C9: variants seen among roughly 807,000 people sequenced by gnomAD.
C9 encodes the protein complement component C9.
Under a neutral mutation model 65.4 loss-of-function variants are expected in C9, and 63 were observed. The observed-to-expected ratio is 0.96, with a 90% CI of 0.79 to 1.19. The LOEUF (loss-of-function observed/expected upper bound fraction) is 1.19. C9 is among the 50% of genes most tolerant of loss of function. The probability of loss-of-function intolerance (pLI) is 0.00; values close to 1 mark genes in which losing one functional copy is unlikely to be tolerated. For missense variants in C9, 744 were observed against 670.1 expected (o/e 1.11, Z -1.22); for synonymous variants, 229 against 227.9 (o/e 1.00, Z -0.04).
intron 6 of C9, among the ~76,000 whole-genome samples, chr5:39,314,159 C>T (rs1259466356): frequency 6.6e-6 from 1 of 151,984 alleles, no homozygotes; most frequent in Non-Finnish European, 1.5e-5. Context: ...TATTAAAAAC[C>T]CTCAAGTAGG....
At chr5:39,349,107 C>T (rs1754270390) in intron 1 of C9, among the ~76,000 whole-genome samples, 4 of 151,170 alleles carry the variant, frequency 2.6e-5, no homozygotes, top group Non-Finnish European at 4.4e-5. Flanking sequence ...ACCAACATGA[C>T]ACATGTATAC....
chr5:39,333,967 T>A (rs1184146698), intron 4 of C9, among the ~76,000 whole-genome samples: 5 of 152,136 alleles, frequency 3.3e-5, no homozygotes, highest in African/African-American at 1.2e-4. Flanking sequence ...CGCTGCAGCC[T>A]CCACCTCCCA....
chr5:39,294,938 T>A (rs1753157407), intron 9 of C9, among the ~76,000 whole-genome samples: 1 of 151,778 alleles, frequency 6.6e-6, no homozygotes, highest in Admixed American at 6.6e-5. Context: ...AAACATCACA[T>A]CAGCAAAATT....
chr5:39,309,018 A>C (rs1753429862), intron 7 of C9, among the ~76,000 whole-genome samples: 1 of 152,142 alleles, frequency 6.6e-6, no homozygotes, highest in African/African-American at 2.4e-5. Context: ...GTATGTGGTC[A>C]CTTTGTTTTC....
intron 9 of C9, among the ~76,000 whole-genome samples, chr5:39,301,328 G>A (rs753161720): frequency 2.1e-4 from 32 of 151,952 alleles, no homozygotes; most frequent in Non-Finnish European, 7.4e-5. Flanking sequence ...ACCTATAACA[G>A]ATTGGGAGAC....
chr5:39,359,332 C>A (rs1754474892), intron 1 of C9, among the ~76,000 whole-genome samples: 1 of 151,584 alleles, frequency 6.6e-6, no homozygotes, highest in Non-Finnish European at 1.5e-5. Context: ...GTTGACTAAG[C>A]AATTGGTCAC....
At chr5:39,362,555 T>C (rs1754539839) in intron 1 of C9, among the ~76,000 whole-genome samples, 1 of 152,086 alleles carries the variant, frequency 6.6e-6, no homozygotes, top group South Asian at 2.1e-4. Flanking sequence ...TTTGAAGCCA[T>C]CCAGCTTGTG....
rs369455264 is a variant in C9, at chr5:39,364,368, C to G, written c.77+20G>C. 4 of 1,449,332 alleles carry G rather than the reference C, an allele frequency of 2.8e-6. No individual in the cohort carries two copies. Among genetic ancestry groups the G allele is most frequent in the Non-Finnish European group, 3.9e-6 (4 of 1,029,486 alleles). 89.8% of individuals were successfully genotyped at this position (1,449,332 alleles called of 1,614,324 possible). Reference sequence around the variant, plus strand: ...CCTACAGGAAACTTCCAGAGACAAGCAGAAAAGTAACTGACTCACCTGGTC... The same window carrying G: ...CCTACAGGAAACTTCCAGAGACAAGGAGAAAAGTAACTGACTCACCTGGTC... On this transcript the variant is annotated intron_variant, in intron 1 of 10. Transcript: ENST00000263408.
intron 1 of C9, among the ~76,000 whole-genome samples, chr5:39,361,887 T>G (rs975543008): frequency 6.6e-6 from 1 of 152,240 alleles, no homozygotes; most frequent in South Asian, 2.1e-4. Context: ...GCATGAGATG[T>G]CTTCAAGCCA....
intron 9 of C9, among the ~76,000 whole-genome samples, chr5:39,305,999 A>G (rs954240629): frequency 1.3e-5 from 2 of 151,930 alleles, no homozygotes; most frequent in Admixed American, 6.6e-5. Flanking sequence ...TGTCTCTACT[A>G]AAAATACAAG....
chr5:39,308,266 T>C lies in C9; in HGVS notation c.1204A>G (p.Lys402Glu), dbSNP rs748469015. 146 of 1,612,818 alleles carry C rather than the reference T, an allele frequency of 9.1e-5. No individual in the cohort carries two copies. The highest frequency in any genetic ancestry group is 1.2e-4 in the Non-Finnish European group (139 of 1,178,988). The change falls in exon 8 of 11, where the codon AAA becomes GAA. Residue 402 changes from lysine (K) to glutamate (E), a missense_variant. By Grantham distance (56) the Lys-to-Glu change is moderately conservative. Coordinates refer to ENST00000263408, the MANE Select transcript of C9 (RefSeq NM_001737.5). ...SEISVGAEFN[K>E]DDCVKRGEGR... ...TCTCCCCTCTTTACACAATCATCTTTATTAAATTCAGCTCCAACAGAGATT... is the reference window on the plus strand; with the variant it reads ...TCTCCCCTCTTTACACAATCATCTTCATTAAATTCAGCTCCAACAGAGATT...
At chr5:39,361,337 A>G (rs1754515934) in intron 1 of C9, among the ~76,000 whole-genome samples, 1 of 152,206 alleles carries the variant, frequency 6.6e-6, no homozygotes, top group Admixed American at 6.5e-5. Context: ...CTTTACATAT[A>G]ATAACACAAA....
chr5:39,316,070 A>AGGCCGGGCGCGGTGGCT, intron 5 of C9, 41 bp from the exon 6 acceptor site: 1 of 1,538,452 alleles, frequency 6.5e-7, no homozygotes, highest in South Asian at 1.1e-5. Flanking sequence ...ACAAGATACG[A>AGGCCGGGCGCGGTGGCT]AACAAAAGGA....
intron 1 of C9, among the ~76,000 whole-genome samples, chr5:39,350,891 C>CA (rs1207382254): frequency 6.6e-6 from 1 of 152,162 alleles, no homozygotes; most frequent in Admixed American, 6.5e-5. Context: ...GGCAGTGCCC[C>CA]AGTAGGGACT....
intron 1 of C9, among the ~76,000 whole-genome samples, chr5:39,362,621 G>A (rs1021997486): frequency 2.0e-5 from 3 of 152,190 alleles, no homozygotes; most frequent in Non-Finnish European, 2.9e-5. Context: ...ACAGACGAGG[G>A]AAGCGAGGTA....
intron 1 of C9, among the ~76,000 whole-genome samples, chr5:39,353,936 G>C (rs962891555): frequency 6.6e-6 from 1 of 152,070 alleles, no homozygotes; most frequent in Non-Finnish European, 1.5e-5. Flanking sequence ...CCAAATCTAG[G>C]CCTGTATCTC....
chr5:39,342,051 C>T, intron 2 of C9, 40 bp downstream of exon 2: 1 of 1,115,694 alleles, frequency 9.0e-7, no homozygotes, highest in Non-Finnish European at 1.4e-6. Flanking sequence ...ATACAGTTTC[C>T]ATTTGGGGAG....
chr5:39,318,096 G>GT lies in C9; in HGVS notation c.616-2068dup, dbSNP rs113650431. ...AGCTGTATTCCTAGGTATTTTATGG[G>GT]TTTTTTTTTTAGCAATCGTGAATGG... On this transcript the variant is annotated intron_variant, in intron 5 of 10. Coordinates refer to ENST00000263408, the MANE Select transcript of C9 (RefSeq NM_001737.5). Among the ~76,000 whole-genome samples, 348 of 147,288 alleles carry GT rather than the reference G, an allele frequency of 2.4e-3. 2 individuals are homozygous for GT. Among genetic ancestry groups the GT allele is most frequent in the South Asian group, 6.5e-3 (30 of 4,634 alleles).
chr5:39,320,573 A>G (rs77135842), intron 5 of C9, among the ~76,000 whole-genome samples: 15,617 of 152,206 alleles, frequency 0.1, 808 homozygotes, highest in Middle Eastern at 0.13. Context: ...ATGGTGCCCC[A>G]GAAGGAAGAG....
Sources: allele counts gnomAD v4.1 joint callset (sites outside exome capture counted in the v4.1 genomes callset), GRCh38; gene constraint gnomAD v4.1.1; transcripts MANE v1.5; gene names NCBI Gene and HGNC (gene_info 2026-07-23, HGNC 2026-07-21).